SREK1: variants seen among roughly 807,000 people sequenced by gnomAD.
SREK1 encodes the protein splicing regulatory glutamic acid and lysine rich protein 1.
SREK1 carries 13 observed loss-of-function variants against 66.5 expected under a neutral mutation model. The observed-to-expected ratio is 0.20, with a 90% CI of 0.13 to 0.31. SREK1 has a LOEUF of 0.31. Ranked by LOEUF, SREK1 falls within the 10% of genes least tolerant of loss-of-function variation. SREK1 has a pLI of 1.00. For missense variants in SREK1, 607 were observed against 769.6 expected, an observed-to-expected ratio of 0.79 and a Z score of 2.50; for synonymous variants, 265 against 263.5, an observed-to-expected ratio of 1.01 and a Z score of -0.05.
At chr5:66,178,149 T>C (rs1746213441) in intron 11 of SREK1, among the ~76,000 whole-genome samples, 1 of 152,098 alleles carries the variant, frequency 6.6e-6, no homozygotes, top group African/African-American at 2.4e-5. Context: ...TTGGAAATTA[T>C]GAATTTTGGA....
intron 11 of SREK1, among the ~76,000 whole-genome samples, chr5:66,178,227 AT>A (rs541844204): frequency 1.5e-3 from 234 of 152,192 alleles, no homozygotes; most frequent in African/African-American, 5.4e-3. Context: ...AATAACATTG[AT>A]AACATTTATT....
At chr5:66,166,320 T>A (rs891463099) in intron 7 of SREK1, 1 of 152,320 alleles carries the variant, frequency 6.6e-6, no homozygotes, top group South Asian at 2.1e-4. Context: ...AGAGAGCTAA[T>A]GTCCAAGACT....
chr5:66,159,957 C>T (rs1434781932), intron 3 of SREK1, among the ~76,000 whole-genome samples: 4 of 152,098 alleles, frequency 2.6e-5, no homozygotes, highest in Non-Finnish European at 2.9e-5. Flanking sequence ...AGTGAAACCC[C>T]GTCTCCACTA....
chr5:66,170,835 G>C lies in SREK1; in HGVS notation c.1372G>C (p.Glu458Gln). The part of the protein sequence containing the change: ...EKEKEQDKEK[E>Q]REKDRSKEID... ...GGAAAAGGAACAGGACAAAGAAAAGGAACGAGAAAAAGACAGATCCAAAGA... is the reference window on the plus strand; with the variant it reads ...GGAAAAGGAACAGGACAAAGAAAAGCAACGAGAAAAAGACAGATCCAAAGA... The change falls in exon 9 of 12, where the codon GAA (glutamate) becomes CAA (glutamine). Residue 458 changes from glutamate to glutamine, a missense_variant. Physicochemically the swap from Glu to Gln is conservative, Grantham distance 29. Around this residue, in one of 5 missense-constraint regions of SREK1, gnomAD observed 318 missense variants for 310.3 expected, o/e 1.02. Coordinates refer to ENST00000334121, the MANE Select transcript of SREK1 (RefSeq NM_001077199.3). 1 of 1,613,376 alleles carries C rather than the reference G, an allele frequency of 6.2e-7. No homozygotes were observed. Among genetic ancestry groups the C allele is most frequent in the Non-Finnish European group, 8.5e-7 (1 of 1,179,802 alleles).
intron 1 of SREK1, 71 bp downstream of exon 1, chr5:66,144,608 A>C: frequency 6.7e-7 from 1 of 1,481,900 alleles, no homozygotes; most frequent in Non-Finnish European, 9.0e-7. Context: ...GGCGTGGAGG[A>C]GAGCGCGGAC....
intron 8 of SREK1, 41 bp downstream of exon 8, chr5:66,170,211 G>T (rs1745515933): frequency 1.3e-6 from 2 of 1,591,350 alleles, no homozygotes; most frequent in East Asian, 2.3e-5. Flanking sequence ...TTTTTCCTCA[G>T]AGTTCTGTTA....
rs547085581 is a variant in SREK1 at position 66,153,420 on chromosome 5, G to A, written c.162-43G>A. ...TTTTAAGTGAAAATGATAAAACCAA[G>A]CAAATGTTTATTAGTTCAATTGTTT... On this transcript the variant is annotated intron_variant, in intron 1 of 11. Coordinates refer to ENST00000334121, the MANE Select transcript of SREK1 (RefSeq NM_001077199.3). The A allele has an allele frequency of 6.3e-6, 10 of 1,583,370 alleles. No homozygotes were observed. The East Asian group carries it at 2.0e-4, about 32-fold the overall frequency.
chr5:66,147,100 C>G (rs1277350778), intron 1 of SREK1, among the ~76,000 whole-genome samples: 1 of 151,944 alleles, frequency 6.6e-6, no homozygotes, highest in African/African-American at 2.4e-5. Context: ...TATGAAAATT[C>G]AGATTTTAAA....
At chr5:66,145,097 C>T (rs1197840187) in intron 1 of SREK1, 1 of 985,580 alleles carries the variant, frequency 1.0e-6, no homozygotes, top group African/African-American at 1.7e-5. Flanking sequence ...ATCCATGTTC[C>T]CAAAGATCAT....
At chr5:66,174,777 C>T in intron 9 of SREK1, 169 bp from the exon 10 acceptor site, 1 of 480,968 alleles carries the variant, frequency 2.1e-6, no homozygotes, top group Non-Finnish European at 3.6e-6. Flanking sequence ...ATAATTTGAC[C>T]CACTCTAAAG....
intron 11 of SREK1, 78 bp from the exon 12 acceptor site, chr5:66,178,641 A>G: frequency 1.4e-6 from 2 of 1,381,834 alleles, no homozygotes; most frequent in Non-Finnish European, 1.9e-6. Flanking sequence ...TGCAAAAGAT[A>G]AAGTTTCACA....
intron 6 of SREK1, chr5:66,164,411 C>A (rs538648259): frequency 2.4e-6 from 1 of 411,644 alleles, no homozygotes; most frequent in Non-Finnish European, 4.3e-6. Context: ...CTAAAAACAT[C>A]TAGGTGGTTT....
rs1746621770 is a variant in SREK1, at chr5:66,183,025, GTTC to G, written c.*4160_*4162del. ...CAATTAGCTTATATCAGATATAACA[GTTC>G]TTAATATAATGTTTATAAAAGGTTT... On this transcript the variant is annotated 3_prime_UTR_variant, in exon 12 of 12. Transcript: ENST00000334121. The G allele has an allele frequency of 6.6e-6, 1 of 152,104 alleles. No homozygotes were observed. Among genetic ancestry groups the G allele is most frequent in the South Asian group, 2.1e-4 (1 of 4,828 alleles). The allele number at this position is 152,104 out of a possible 1,614,324, so 9.4% of individuals were successfully genotyped here. A position where few individuals can be genotyped will look rare whatever the true frequency, so the allele number is the denominator to read the frequency against.
chr5:66,147,770 C>T (rs1743389869), intron 1 of SREK1, among the ~76,000 whole-genome samples: 1 of 152,196 alleles, frequency 6.6e-6, no homozygotes, highest in Non-Finnish European at 1.5e-5. Context: ...CTCCATTTCC[C>T]TGTAGTCCTT....
chr5:66,153,724 A>C, intron 2 of SREK1, 128 bp downstream of exon 2: 1 of 1,240,512 alleles, frequency 8.1e-7, no homozygotes. Flanking sequence ...TGAAATTTGG[A>C]GGAGGTAAAC....
chr5:66,170,381 T>A (rs1362007196), intron 8 of SREK1, among the ~76,000 whole-genome samples: 1 of 152,186 alleles, frequency 6.6e-6, no homozygotes, highest in African/African-American at 2.4e-5. Flanking sequence ...CTCATGAGGT[T>A]TCCAAACTAC....
chr5:66,159,797 T>C (rs2112008612), intron 3 of SREK1, among the ~76,000 whole-genome samples: 1 of 152,360 alleles, frequency 6.6e-6, no homozygotes, highest in South Asian at 2.1e-4. Context: ...TAAATCATAA[T>C]TTAGTAATGC....
Position 66,173,750 on chromosome 5 carries a change from G to T in SREK1, c.1485-1196G>T, listed in dbSNP as rs75842220. ...TGTGTAATCTTAAAGTCTGGAATAC[G>T]CTGACATTCACATGCTTTGAAAAAA... On this transcript the variant is annotated intron_variant, in intron 9 of 11. Coordinates refer to ENST00000334121, the MANE Select transcript of SREK1 (RefSeq NM_001077199.3). Among the ~76,000 whole-genome samples, 1,316 of 152,292 alleles carry T rather than the reference G, an allele frequency of 8.6e-3. 22 individuals carry two copies. Among genetic ancestry groups the T allele is most frequent in the African/African-American group, 0.03 (1,231 of 41,564 alleles).
At position 66,144,983 on chromosome 5, in the gene SREK1, G is replaced by A. The variant is rs1020435960; in HGVS notation, c.161+446G>A. 8 of 987,344 alleles carry A rather than the reference G, an allele frequency of 8.1e-6. No homozygotes were observed. The African/African-American group carries it at 1.2e-4, about 15-fold the overall frequency. The allele number at this position is 987,344 out of a possible 1,614,324, so 61.2% of individuals were successfully genotyped here. A position where few individuals can be genotyped will look rare whatever the true frequency, so the allele number is the denominator to read the frequency against. On this transcript the variant is annotated intron_variant, in intron 1 of 11. Transcript: ENST00000334121. ...TAAGGCCTTGGTGTCAGGCCGTTTT[G>A]CTGACGAGAAAGCCTGCTGCTGGTG...
Sources: allele counts gnomAD v4.1 joint callset (sites outside exome capture counted in the v4.1 genomes callset), GRCh38; gene constraint gnomAD v4.1.1; regional missense constraint gnomAD v4.1.1; transcripts MANE v1.5; gene names NCBI Gene and HGNC (gene_info 2026-07-23, HGNC 2026-07-21).